Variants in SPATA12 observed in about 807,000 individuals in gnomAD.
SPATA12 encodes the protein spermatogenesis associated 12.
For missense variants in SPATA12, 219 were observed against 226.4 expected (o/e 0.97, Z 0.21); for synonymous variants, 85 against 89.2 (o/e 0.95, Z 0.26).
intron 1 of SPATA12, among the ~76,000 whole-genome samples, chr3:57,068,968 C>G (rs953134532): frequency 6.7e-6 from 1 of 149,334 alleles, no homozygotes; most frequent in Non-Finnish European, 1.5e-5. Context: ...ATCACCCAAG[C>G]TGGAGTGCTA....
At chr3:57,072,121 A>G (rs1344422099) in intron 1 of SPATA12, among the ~76,000 whole-genome samples, 2 of 125,036 alleles carry the variant, frequency 1.6e-5, no homozygotes, top group East Asian at 9.1e-4. Flanking sequence ...GGATAATAAC[A>G]AGAGTTGATG....
intron 1 of SPATA12, among the ~76,000 whole-genome samples, chr3:57,061,005 T>A (rs1018250866): frequency 4.6e-5 from 7 of 152,224 alleles, no homozygotes; most frequent in African/African-American, 1.4e-4. Context: ...ACTTTAACCA[T>A]TTTTAAGTGT....
At chr3:57,072,682 CAGTG>C (rs901943935) in intron 1 of SPATA12, among the ~76,000 whole-genome samples, 2 of 140,158 alleles carry the variant, frequency 1.4e-5, no homozygotes, top group African/African-American at 5.4e-5. Context: ...GCAGAGGTTG[CAGTG>C]AGCTGAGATA....
intron 1 of SPATA12, among the ~76,000 whole-genome samples, chr3:57,062,337 G>C (rs1050118441): frequency 6.6e-6 from 1 of 152,164 alleles, no homozygotes; most frequent in Admixed American, 6.5e-5. Flanking sequence ...GCCTGGCAAG[G>C]GTGGCTTGTG....
At chr3:57,069,185 T>G (rs903330400) in intron 1 of SPATA12, among the ~76,000 whole-genome samples, 3 of 152,162 alleles carry the variant, frequency 2.0e-5, no homozygotes, top group Non-Finnish European at 4.4e-5. Flanking sequence ...CCTCCCAAAG[T>G]GCTAGGATTA....
intron 1 of SPATA12, 47 bp from the exon 2 acceptor site, chr3:57,073,319 T>C (rs1434496077): frequency 5.4e-6 from 1 of 183,726 alleles, no homozygotes; most frequent in Admixed American, 5.4e-5. Context: ...ATGTTTACGT[T>C]TATGTTCAAT....
chr3:57,068,168 T>TACATACAC lies in SPATA12; in HGVS notation c.-329-5195_-329-5194insTACACACA, dbSNP rs1553820867. On this transcript the variant is annotated intron_variant, in intron 1 of 1. Transcript: ENST00000334325. ...ATTCAGATATGCGCGCACACACACA[T>TACATACAC]ACACACACACACACACACACACCAG... 3.8e-4 allele frequency among the ~76,000 whole-genome samples: 56 copies of TACATACAC among 149,094 alleles called. 2 individuals are homozygous for TACATACAC. The highest frequency in any genetic ancestry group is 6.8e-3 in the Middle Eastern group (2 of 294).
chr3:57,061,966 A>G (rs1705244269), intron 1 of SPATA12, among the ~76,000 whole-genome samples: 1 of 152,172 alleles, frequency 6.6e-6, no homozygotes, highest in Non-Finnish European at 1.5e-5. Flanking sequence ...TGCTCTGCCT[A>G]CAAGCATTTT....
rs776835405 is a variant in SPATA12 at position 57,073,808 on chromosome 3, G to A, written c.114G>A (p.Gly38=). Reference sequence around the variant, plus strand: ...TTCCATGGCCACCCAGAGGCCTTGGGTCATCCACCCAACATCCCAACAAAC... The same window carrying A: ...TTCCATGGCCACCCAGAGGCCTTGGATCATCCACCCAACATCCCAACAAAC... ...RLVPWPPRGL[G]SSTQHPNKPH... Residue 38 remains glycine, a synonymous_variant, in exon 2 of 2, where the codon GGG becomes GGA. Coordinates refer to ENST00000334325, the MANE Select transcript of SPATA12 (RefSeq NM_181727.2). The A allele has an allele frequency of 3.7e-6, 6 of 1,614,196 alleles. No individual in the cohort carries two copies. The highest frequency in any genetic ancestry group is 1.6e-4 in the Middle Eastern group (1 of 6,062).
At chr3:57,070,983 AAAAAGAAAG>A (rs796192174) in intron 1 of SPATA12, among the ~76,000 whole-genome samples, 11 of 149,430 alleles carry the variant, frequency 7.4e-5, no homozygotes, top group East Asian at 2.1e-4. Flanking sequence ...AAAAAAAAAA[AAAAAGAAAG>A]AAAGAAAGAA....
chr3:57,063,516 G>A (rs1192013716), intron 1 of SPATA12, among the ~76,000 whole-genome samples: 1 of 152,174 alleles, frequency 6.6e-6, no homozygotes, highest in Non-Finnish European at 1.5e-5. Context: ...TCTACAAGTA[G>A]AGTCTTTTGA....
intron 1 of SPATA12, among the ~76,000 whole-genome samples, chr3:57,068,723 G>C (rs1236396996): frequency 6.6e-6 from 1 of 152,146 alleles, no homozygotes; most frequent in Non-Finnish European, 1.5e-5. Context: ...GACTGGGCAG[G>C]AACTGAAGCG....
At chr3:57,063,258 A>C (rs1705333023) in intron 1 of SPATA12, among the ~76,000 whole-genome samples, 1 of 150,702 alleles carries the variant, frequency 6.6e-6, no homozygotes, top group Admixed American at 6.7e-5. Context: ...TCAGAGAGGA[A>C]ATGCAGCCAG....
At chr3:57,070,519 G>A (rs1281373850) in intron 1 of SPATA12, among the ~76,000 whole-genome samples, 1 of 152,202 alleles carries the variant, frequency 6.6e-6, no homozygotes, top group Admixed American at 6.5e-5. Flanking sequence ...AGGTTCCACA[G>A]TTAATATTGT....
chr3:57,061,419 T>G lies in SPATA12; in HGVS notation c.-330+633T>G, dbSNP rs756523911. 9.4e-4 allele frequency among the ~76,000 whole-genome samples: 143 copies of G among 152,186 alleles called. 3 individuals carry two copies. Among genetic ancestry groups the G allele is most frequent in the Admixed American group, 3.3e-4 (5 of 15,276 alleles). ...CTCAAGAGATCCTCCTATCTTGGCC[T>G]CCCAAAGTGCCAGCATTACAGGTGT... On this transcript the variant is annotated intron_variant, in intron 1 of 1. Coordinates refer to ENST00000334325, the MANE Select transcript of SPATA12 (RefSeq NM_181727.2).
In SPATA12 at chr3:57,073,722, T is replaced by C. The variant is rs1438565832; in HGVS notation, c.28T>C (p.Ser10Pro). 1 of 1,613,990 alleles carries C rather than the reference T, an allele frequency of 6.2e-7. No homozygotes were observed. Among genetic ancestry groups the C allele is most frequent in the African/African-American group, 1.3e-5 (1 of 74,912 alleles). MSSSALTCG[S>P]TLEKSGDTWE... ...GTCCAGTTCTGCTCTGACTTGTGGG[T>C]CCACCTTAGAAAAGTCAGGAGACAC... Residue 10 changes from serine to proline, a missense_variant, in exon 2 of 2, where the codon TCC (serine) becomes CCC (proline). By Grantham distance (74) the Ser-to-Pro change is moderately conservative (BLOSUM62 -1). Coordinates refer to ENST00000334325, the MANE Select transcript of SPATA12 (RefSeq NM_181727.2).
intron 1 of SPATA12, among the ~76,000 whole-genome samples, chr3:57,068,923 T>A (rs1419960814): frequency 2.0e-5 from 3 of 151,604 alleles, no homozygotes; most frequent in Non-Finnish European, 4.4e-5. Context: ...GATCTGATTT[T>A]TTTTTTTTTT....
intron 1 of SPATA12, among the ~76,000 whole-genome samples, chr3:57,071,974 T>G (rs1177968760): frequency 6.6e-6 from 1 of 152,134 alleles, no homozygotes; most frequent in Non-Finnish European, 1.5e-5. Context: ...AAATATACAT[T>G]TCTCCAAAGA....
At chr3:57,070,777 A>G (rs1476238134) in intron 1 of SPATA12, among the ~76,000 whole-genome samples, 1 of 151,976 alleles carries the variant, frequency 6.6e-6, no homozygotes, top group African/African-American at 2.4e-5. Flanking sequence ...TGGGTAACAC[A>G]GCCAGACCCA....
Sources: allele counts gnomAD v4.1 joint callset (sites outside exome capture counted in the v4.1 genomes callset), GRCh38; gene constraint gnomAD v4.1.1; transcripts MANE v1.5; gene names NCBI Gene and HGNC (gene_info 2026-07-23, HGNC 2026-07-21).